The following SETBP1 variants were observed in gnomAD, a reference collection of about 807,000 sequenced individuals.
SETBP1 encodes SET-binding protein.
A neutral mutation model predicts 101.0 loss-of-function variants in SETBP1; 9 were observed. The observed-to-expected ratio is 0.09, with a 90% confidence interval of 0.05 to 0.16. SETBP1 has a LOEUF of 0.16. Among genes scored for constraint, SETBP1 ranks in the 10% least tolerant of loss-of-function variants. The pLI, the probability that SETBP1 is intolerant of heterozygous loss-of-function variation, is 1.00. For synonymous variants in SETBP1, 818 were observed against 788.5 expected (o/e 1.04, Z -0.63); for missense variants, 1,858 against 2,033.8 (o/e 0.91, Z 1.66).
chr18:44,722,928 T>A (rs556197627), intron 2 of SETBP1, among the ~76,000 whole-genome samples: 86 of 152,326 alleles, frequency 5.6e-4, no homozygotes, highest in African/African-American at 1.8e-3. Context: ...AGGATTAGAA[T>A]CTAGGACAAA....
intron 1 of SETBP1, among the ~76,000 whole-genome samples, chr18:44,683,573 T>C (rs997147481): frequency 6.6e-6 from 1 of 152,224 alleles, no homozygotes; most frequent in African/African-American, 2.4e-5. Context: ...GTTCTCTCAA[T>C]GTGGTCATTA....
At chr18:44,795,461 T>C (rs1323272970) in intron 2 of SETBP1, among the ~76,000 whole-genome samples, 1 of 152,162 alleles carries the variant, frequency 6.6e-6, no homozygotes, top group Non-Finnish European at 1.5e-5. Flanking sequence ...TTAGATCAGG[T>C]TTACTGACTA....
At chr18:44,906,971 T>A (rs1046489954) in intron 3 of SETBP1, among the ~76,000 whole-genome samples, 7 of 152,202 alleles carry the variant, frequency 4.6e-5, no homozygotes, top group African/African-American at 1.7e-4. Context: ...TAATTCCAGA[T>A]CATTTTCATC....
chr18:44,848,271 A>T (rs759774852), intron 2 of SETBP1, among the ~76,000 whole-genome samples: 2 of 152,168 alleles, frequency 1.3e-5, no homozygotes, highest in Non-Finnish European at 2.9e-5. Flanking sequence ...GGAAGGCCTT[A>T]AAGCTCATGG....
In SETBP1 at chr18:44,952,403, G is replaced by A. The variant is rs760562305; in HGVS notation, c.3063G>A (p.Arg1021=). The A allele has an allele frequency of 8.7e-6, 14 of 1,613,988 alleles. No homozygotes were observed. In the South Asian group the frequency reaches 1.1e-4, roughly 13 times the overall value. The part of the protein sequence containing the change: ...SDLKSKKKRG[R]PAKTNDTMTK... ...TGAAGTCAAAGAAGAAGCGTGGTAG[G>A]CCTGCAAAAACCAATGACACCATGA... The change falls in exon 4 of 6, where the codon AGG becomes AGA. Residue 1021 remains arginine (R), a synonymous_variant. Coordinates refer to ENST00000649279, the MANE Select transcript of SETBP1 (RefSeq NM_015559.3).
At chr18:45,002,291 A>ATT (rs5824568) in intron 4 of SETBP1, among the ~76,000 whole-genome samples, 182 of 136,904 alleles carry the variant, frequency 1.3e-3, no homozygotes, top group African/African-American at 2.5e-3. Flanking sequence ...GAGAAGAACC[A>ATT]TTTTTTTTTT....
At chr18:44,860,821 C>T (rs1286773655) in intron 2 of SETBP1, among the ~76,000 whole-genome samples, 1 of 151,868 alleles carries the variant, frequency 6.6e-6, no homozygotes, top group African/African-American at 2.4e-5. Context: ...ATATTAAAGG[C>T]AGTACGGTCT....
chr18:44,742,458 G>A (rs1430560664), intron 2 of SETBP1, among the ~76,000 whole-genome samples: 1 of 152,196 alleles, frequency 6.6e-6, no homozygotes. Context: ...GGATGCTGGG[G>A]CAGGAGGATG....
chr18:44,811,978 C>G (rs911266071), intron 2 of SETBP1, among the ~76,000 whole-genome samples: 1 of 152,182 alleles, frequency 6.6e-6, no homozygotes, highest in Non-Finnish European at 1.5e-5. Context: ...ATCCCATTCC[C>G]CATAGAAATT....
chr18:44,690,325 C>T (rs1318881876), intron 1 of SETBP1, among the ~76,000 whole-genome samples: 2 of 152,214 alleles, frequency 1.3e-5, no homozygotes, highest in Non-Finnish European at 2.9e-5. Flanking sequence ...CTTAGCATCT[C>T]CTTTGCAGCA....
rs554952660 is a variant in SETBP1 at position 44,804,086 on chromosome 18, T to A, written c.487-65144T>A. On this transcript the variant is annotated intron_variant, in intron 2 of 5. Transcript: ENST00000649279. Reference sequence around the variant, plus strand: ...CCATCCATACCTTTTGGCAAACCAGTTGCCCAAATACACATGATTTTGAAA... The same window carrying A: ...CCATCCATACCTTTTGGCAAACCAGATGCCCAAATACACATGATTTTGAAA... Among the ~76,000 whole-genome samples, 14 of 152,222 alleles carry A rather than the reference T, an allele frequency of 9.2e-5. No homozygotes were observed. The South Asian group carries it at 2.9e-3, about 32-fold the overall frequency.
intron 3 of SETBP1, among the ~76,000 whole-genome samples, chr18:44,904,680 A>T (rs1187557343): frequency 6.6e-6 from 1 of 152,212 alleles, no homozygotes; most frequent in African/African-American, 2.4e-5. Context: ...CTGACTTAAC[A>T]ACTATGTGAT....
intron 2 of SETBP1, among the ~76,000 whole-genome samples, chr18:44,806,864 T>C (rs536545536): frequency 1.3e-5 from 2 of 152,008 alleles, no homozygotes; most frequent in South Asian, 4.2e-4. Context: ...CATAGTGTCC[T>C]TATGTTTAGG....
At chr18:44,721,640 C>T (rs1240689478) in intron 2 of SETBP1, among the ~76,000 whole-genome samples, 5 of 151,760 alleles carry the variant, frequency 3.3e-5, no homozygotes, top group Non-Finnish European at 7.4e-5. Flanking sequence ...GGGGAGAAGT[C>T]AGCATATGTT....
intron 2 of SETBP1, among the ~76,000 whole-genome samples, chr18:44,868,384 T>G (rs142767057): frequency 1.5e-4 from 23 of 152,204 alleles, no homozygotes; most frequent in Admixed American, 1.2e-3. Context: ...TGATTTTTTT[T>G]TTGTTTGTTT....
intron 4 of SETBP1, among the ~76,000 whole-genome samples, chr18:45,003,883 A>T (rs1206355683): frequency 6.6e-6 from 1 of 152,158 alleles, no homozygotes; most frequent in Non-Finnish European, 1.5e-5. Context: ...GTCCTTTCGT[A>T]AGATAGTATC....
intron 4 of SETBP1, chr18:44,989,083 A>G (rs1339198176): frequency 6.6e-6 from 1 of 152,228 alleles, no homozygotes; most frequent in Non-Finnish European, 1.5e-5. Context: ...TGCAAAATAC[A>G]TGAGGAAACA....
chr18:45,009,498 G>C (rs112875573), intron 4 of SETBP1, among the ~76,000 whole-genome samples: 1 of 151,726 alleles, frequency 6.6e-6, no homozygotes, highest in Non-Finnish European at 1.5e-5. Flanking sequence ...TTTTTTGTTC[G>C]AGGGATTTTT....
At chr18:44,883,419 A>G (rs1419910234) in intron 3 of SETBP1, among the ~76,000 whole-genome samples, 3 of 152,202 alleles carry the variant, frequency 2.0e-5, no homozygotes, top group Admixed American at 2.0e-4. Flanking sequence ...AGTATATGCT[A>G]TAAGCATGCC....
Sources: allele counts gnomAD v4.1 joint callset (sites outside exome capture counted in the v4.1 genomes callset), GRCh38; gene constraint gnomAD v4.1.1; transcripts MANE v1.5; gene names NCBI Gene and HGNC (gene_info 2026-07-23, HGNC 2026-07-21).